MTHFD1L: variants seen among roughly 807,000 people sequenced by gnomAD.
MTHFD1L encodes the protein methylenetetrahydrofolate dehydrogenase (NADP+ dependent) 1 like.
Under a neutral mutation model 119.5 loss-of-function variants are expected in MTHFD1L, and 81 were observed. That is an observed-to-expected ratio of 0.68 (90% CI 0.57 to 0.82). The LOEUF is 0.82. Among genes scored for constraint, MTHFD1L ranks in the 40% least tolerant of loss-of-function variants. MTHFD1L has a pLI of 0.00. For synonymous variants in MTHFD1L, 430 were observed against 475.2 expected (o/e 0.90, Z 1.24); for missense variants, 1,125 against 1,253.4 (o/e 0.90, Z 1.55).
chr6:150,919,295 C>T (rs1312636790), intron 9 of MTHFD1L, among the ~76,000 whole-genome samples: 1 of 151,974 alleles, frequency 6.6e-6, no homozygotes, highest in Non-Finnish European at 1.5e-5. Context: ...GCGATCTTGG[C>T]TCACTGCAAC....
chr6:150,906,116 G>A (rs985272642), intron 8 of MTHFD1L, among the ~76,000 whole-genome samples: 6 of 152,176 alleles, frequency 3.9e-5, no homozygotes, highest in South Asian at 2.1e-4. Flanking sequence ...AGAAATCTTC[G>A]TGGAATCTCA....
At chr6:151,055,539 T>C (rs1055803242) in intron 26 of MTHFD1L, among the ~76,000 whole-genome samples, 1 of 142,022 alleles carries the variant, frequency 7.0e-6, no homozygotes, top group African/African-American at 2.5e-5. Flanking sequence ...TTTTTTTTTG[T>C]TTTTGGAGAT....
In MTHFD1L at chr6:151,019,721, C is replaced by T. The variant is rs1783683731; in HGVS notation, c.2586+4028C>T. Among the ~76,000 whole-genome samples the T allele has an allele frequency of 2.6e-5, 4 of 152,200 alleles. No homozygotes were observed. The South Asian group carries it at 8.3e-4, about 32-fold the overall frequency. ...TGAAAAGAGCTGCTGCTGCTGCTGG[C>T]TCTCTTTGTACTGTCTGCCTGTTAG... is the stretch of plus-strand genomic sequence containing the variant. On this transcript the variant is annotated intron_variant, in intron 24 of 27. Transcript: ENST00000367321.
At chr6:150,982,162 AAAAG>A (rs919066360) in intron 20 of MTHFD1L, among the ~76,000 whole-genome samples, 3 of 150,014 alleles carry the variant, frequency 2.0e-5, no homozygotes, top group Non-Finnish European at 2.9e-5. Context: ...AGAAAGAAAG[AAAAG>A]AAAGAAAGAG....
At chr6:151,084,735 G>A (rs1270518491) in intron 26 of MTHFD1L, among the ~76,000 whole-genome samples, 1 of 151,966 alleles carries the variant, frequency 6.6e-6, no homozygotes, top group African/African-American at 2.4e-5. Context: ...GGAGGCCGAG[G>A]CGGGCAGATC....
intron 8 of MTHFD1L, among the ~76,000 whole-genome samples, chr6:150,915,168 C>T (rs1378938842): frequency 1.3e-5 from 2 of 152,188 alleles, no homozygotes; most frequent in Admixed American, 6.5e-5. Context: ...CAAACCACAG[C>T]CTGTGGGCCG....
At chr6:150,866,171 A>C (rs1583256294) in intron 1 of MTHFD1L, 122 bp downstream of exon 1, 1 of 1,370,136 alleles carries the variant, frequency 7.3e-7, no homozygotes. Context: ...GTGCCAACTC[A>C]TTAGGGGGGC....
chr6:150,928,930 T>C (rs1445514227), intron 11 of MTHFD1L, among the ~76,000 whole-genome samples: 1 of 152,198 alleles, frequency 6.6e-6, no homozygotes. Context: ...CATCCTTTGC[T>C]CCACACCTTG....
At chr6:150,965,328 C>T (rs145508814) in intron 19 of MTHFD1L, among the ~76,000 whole-genome samples, 3,426 of 152,190 alleles carry the variant, frequency 0.023, 38 homozygotes, top group Middle Eastern at 0.037. Flanking sequence ...TAATATAAGT[C>T]ATGTCTTGGC....
chr6:150,993,952 A>C (rs1028642115), intron 20 of MTHFD1L, among the ~76,000 whole-genome samples: 1 of 151,504 alleles, frequency 6.6e-6, no homozygotes, highest in Admixed American at 6.6e-5. Context: ...GTGTTGAAGC[A>C]GTTTGCAAAC....
At chr6:151,055,113 A>G (rs1789675060) in intron 26 of MTHFD1L, 1 of 152,098 alleles carries the variant, frequency 6.6e-6, no homozygotes, top group Non-Finnish European at 1.5e-5. Context: ...TAAAAATACA[A>G]AAATTAGCCG....
At chr6:150,924,550 C>T (rs1312174318) in intron 10 of MTHFD1L, among the ~76,000 whole-genome samples, 1 of 152,170 alleles carries the variant, frequency 6.6e-6, no homozygotes, top group African/African-American at 2.4e-5. Flanking sequence ...AATCTCAGCT[C>T]ACCTCAACCT....
intron 20 of MTHFD1L, among the ~76,000 whole-genome samples, chr6:150,980,710 T>TA (rs375964703): frequency 0.18 from 21,570 of 120,838 alleles, 3,728 homozygotes; most frequent in African/African-American, 0.45. Flanking sequence ...ACCCTGTCTC[T>TA]AAAAAAAAAA....
intron 26 of MTHFD1L, among the ~76,000 whole-genome samples, chr6:151,049,668 A>C (rs1405877117): frequency 1.3e-5 from 2 of 151,720 alleles, no homozygotes; most frequent in African/African-American, 4.8e-5. Flanking sequence ...TCTCAAAAAA[A>C]AAAAAAAAAA....
intron 26 of MTHFD1L, among the ~76,000 whole-genome samples, chr6:151,056,955 AGTTT>A (rs906401131): frequency 1.1e-4 from 16 of 152,118 alleles, no homozygotes; most frequent in African/African-American, 2.9e-4. Flanking sequence ...GGGGTTCTTT[AGTTT>A]GTTTGTTGTT....
At chr6:151,046,471 GTATATATATATATATATATATATATA>G (rs1156377344) in intron 26 of MTHFD1L, among the ~76,000 whole-genome samples, 21 of 36,448 alleles carry the variant, frequency 5.8e-4, no homozygotes, top group East Asian at 3.2e-3. Context: ...ATGTGTGTGT[GTATATATATATATATATATATATATA>G]TATATATATA....
At chr6:150,879,410 C>T (rs1374969972) in intron 4 of MTHFD1L, among the ~76,000 whole-genome samples, 3 of 152,060 alleles carry the variant, frequency 2.0e-5, no homozygotes, top group African/African-American at 7.2e-5. Context: ...GCCTCAGCCT[C>T]CCAAGTAGCT....
intron 20 of MTHFD1L, among the ~76,000 whole-genome samples, chr6:150,978,056 A>C (rs1776871344): frequency 6.6e-6 from 1 of 151,978 alleles, no homozygotes; most frequent in South Asian, 2.1e-4. Context: ...GCATGCCACC[A>C]CACTCGGCTA....
At chr6:151,069,110 G>T (rs1791644740) in intron 26 of MTHFD1L, among the ~76,000 whole-genome samples, 1 of 152,166 alleles carries the variant, frequency 6.6e-6, no homozygotes, top group Non-Finnish European at 1.5e-5. Context: ...GGCAAGGCAG[G>T]TCCAGGGGGC....
Sources: gnomAD v4.1 joint callset for allele counts (sites outside exome capture counted in the v4.1 genomes callset) on GRCh38, gnomAD v4.1.1 for gene constraint, MANE v1.5 for transcripts, NCBI Gene and HGNC (gene_info 2026-07-23, HGNC 2026-07-21) for gene names.